EHMT1: variants seen among roughly 807,000 people sequenced by gnomAD.
EHMT1 encodes the protein histone-lysine N-methyltransferase EHMT1.
Under a neutral mutation model 147.2 loss-of-function variants are expected in EHMT1, and 15 were observed. The ratio of observed to expected loss-of-function variants is 0.10; its 90% CI spans 0.07 to 0.16. The LOEUF is 0.16. EHMT1 is among the 10% of genes least tolerant of loss of function. The probability of loss-of-function intolerance (pLI) is 1.00; values close to 1 mark genes in which losing one functional copy is unlikely to be tolerated. For missense variants in EHMT1, 1,587 were observed against 1,772.4 expected, an observed-to-expected ratio of 0.90 and a Z score of 1.88; for synonymous variants, 795 against 709.6, an observed-to-expected ratio of 1.12 and a Z score of -1.91.
intron 1 of EHMT1, among the ~76,000 whole-genome samples, chr9:137,696,985 G>A (rs1943445695): frequency 6.6e-6 from 1 of 152,228 alleles, no homozygotes; most frequent in Admixed American, 6.5e-5. Flanking sequence ...CTGGCCCTGT[G>A]AAAACAGTGC....
chr9:137,728,624 T>A (rs1354997306), intron 4 of EHMT1, 95 bp downstream of exon 4: 1 of 1,541,670 alleles, frequency 6.5e-7, no homozygotes, highest in African/African-American at 1.4e-5. Flanking sequence ...TAAGTGCCTG[T>A]GCTGCTCTTG....
chr9:137,683,521 C>T (rs1942161744), intron 1 of EHMT1, among the ~76,000 whole-genome samples: 1 of 152,138 alleles, frequency 6.6e-6, no homozygotes, highest in Non-Finnish European at 1.5e-5. Context: ...TGGCTCATTG[C>T]AGCCTCAACC....
intron 1 of EHMT1, among the ~76,000 whole-genome samples, chr9:137,629,270 T>C (rs1843463437): frequency 1.3e-5 from 2 of 151,086 alleles, no homozygotes; most frequent in African/African-American, 4.9e-5. Flanking sequence ...TTTTGTATTT[T>C]TAGTAGAGAT....
At chr9:137,671,574 G>T (rs1232769165) in intron 1 of EHMT1, among the ~76,000 whole-genome samples, 1 of 148,444 alleles carries the variant, frequency 6.7e-6, no homozygotes, top group Non-Finnish European at 1.5e-5. Flanking sequence ...TTCCAGGCTG[G>T]GGTGCAGTTG....
intron 9 of EHMT1, among the ~76,000 whole-genome samples, chr9:137,759,667 G>A (rs764209875): frequency 1.3e-5 from 2 of 152,244 alleles, no homozygotes; most frequent in Non-Finnish European, 2.9e-5. Context: ...GATCAGCGCC[G>A]ATTGGTCAGT....
intron 17 of EHMT1, 84 bp from the exon 18 acceptor site, chr9:137,800,796 C>G (rs2137378295): frequency 2.4e-6 from 3 of 1,227,894 alleles, no homozygotes; most frequent in Non-Finnish European, 3.6e-6. Flanking sequence ...CTGGGAGGTG[C>G]AGAGACCTCG....
intron 1 of EHMT1, among the ~76,000 whole-genome samples, chr9:137,692,641 T>A (rs1943040662): frequency 6.6e-6 from 1 of 152,122 alleles, no homozygotes; most frequent in Non-Finnish European, 1.5e-5. Context: ...GTGAGAAAAC[T>A]CTCTTTTAGA....
chr9:137,721,886 A>G (rs527690502), intron 3 of EHMT1, among the ~76,000 whole-genome samples: 2 of 152,096 alleles, frequency 1.3e-5, no homozygotes, highest in East Asian at 3.9e-4. Flanking sequence ...TTTCATTTTG[A>G]TGAAGTCCGG....
Position 137,716,702 on chromosome 9 carries a change from C to T in EHMT1, c.162C>T (p.Thr54=), listed in dbSNP as rs200372336. 1 of 1,610,260 alleles carries T rather than the reference C, an allele frequency of 6.2e-7. No homozygotes were observed. Among genetic ancestry groups the T allele is most frequent in the African/African-American group, 1.3e-5 (1 of 74,860 alleles). Residue 54 remains threonine (T), a synonymous_variant, in exon 3 of 27, where the codon ACC becomes ACT. Coordinates refer to ENST00000460843, the MANE Select transcript of EHMT1 (RefSeq NM_024757.5). ...CCCACATGGCTGCGGACGGTGAGAC[C>T]AATGGGTCTTGTGAAAACAGCGATG... is the stretch of plus-strand genomic sequence containing the variant. ...GEAHMAADGE[T]NGSCENSDAS...
chr9:137,807,486 T>C (rs929309724), intron 18 of EHMT1, among the ~76,000 whole-genome samples: 88 of 127,530 alleles, frequency 6.9e-4, no homozygotes, highest in Non-Finnish European at 8.3e-4. Context: ...TACTTATTTA[T>C]TTATTTATTT....
At chr9:137,832,082 C>T (rs866906089) in intron 25 of EHMT1, among the ~76,000 whole-genome samples, 18 of 151,386 alleles carry the variant, frequency 1.2e-4, no homozygotes, top group Middle Eastern at 3.4e-3. Flanking sequence ...TCCTACGTGG[C>T]CGCTGCACTT....
intron 1 of EHMT1, among the ~76,000 whole-genome samples, chr9:137,704,764 C>A (rs1263835115): frequency 1.3e-5 from 2 of 151,778 alleles, no homozygotes; most frequent in Admixed American, 6.6e-5. Flanking sequence ...TCCCTTCCTC[C>A]TGCCTTCCCT....
intron 3 of EHMT1, among the ~76,000 whole-genome samples, chr9:137,722,472 C>T (rs73570077): frequency 5.7e-4 from 87 of 152,378 alleles, no homozygotes; most frequent in African/African-American, 2.0e-3. Context: ...TGCCTCTCCG[C>T]ACCCTGGAGA....
At chr9:137,831,075 C>T (rs1302780103) in intron 25 of EHMT1, among the ~76,000 whole-genome samples, 1 of 152,110 alleles carries the variant, frequency 6.6e-6, no homozygotes, top group Non-Finnish European at 1.5e-5. Flanking sequence ...GGAGGGGGTG[C>T]AGCAGTTCTC....
rs1032887657 is a variant in EHMT1 at position 137,725,234 on chromosome 9, G to A, written c.643-3115G>A. Among the ~76,000 whole-genome samples the A allele has an allele frequency of 7.4e-5, 11 of 148,542 alleles. No homozygotes were observed. In the South Asian group the frequency reaches 8.7e-4, roughly 12 times the overall value. ...GTGGGGCAGGTATGTGGCATTCGTG[G>A]GGCAGATGTGGGGCAGACATGTGGC... On this transcript the variant is annotated intron_variant, in intron 3 of 26. Transcript: ENST00000460843.
At chr9:137,739,497 A>C (rs7858302) in intron 4 of EHMT1, among the ~76,000 whole-genome samples, 2 of 147,746 alleles carry the variant, frequency 1.4e-5, no homozygotes, top group African/African-American at 4.9e-5. Context: ...TCCACACTTG[A>C]GTAGAAGCTG....
chr9:137,806,679 C>T (rs1292618182), intron 18 of EHMT1, among the ~76,000 whole-genome samples: 1 of 152,192 alleles, frequency 6.6e-6, no homozygotes, highest in Non-Finnish European at 1.5e-5. Flanking sequence ...ATGATCCGCC[C>T]GCCTCGGACT....
chr9:137,772,800 C>G (rs997765163), intron 10 of EHMT1, among the ~76,000 whole-genome samples: 3 of 152,220 alleles, frequency 2.0e-5, no homozygotes, highest in Non-Finnish European at 2.9e-5. Flanking sequence ...CCCATGGTGA[C>G]CTCAGTGGGG....
At chr9:137,720,177 T>C (rs1018647381) in intron 3 of EHMT1, among the ~76,000 whole-genome samples, 584 of 89,870 alleles carry the variant, frequency 6.5e-3, no homozygotes, top group Middle Eastern at 0.052. Context: ...CGAACCCCCT[T>C]CACACCAGGG....
Sources: gnomAD v4.1 joint callset for allele counts (sites outside exome capture counted in the v4.1 genomes callset) on GRCh38, gnomAD v4.1.1 for gene constraint, MANE v1.5 for transcripts, NCBI Gene and HGNC (gene_info 2026-07-23, HGNC 2026-07-21) for gene names.